Variants in TTBK2 observed in about 807,000 individuals in gnomAD.
The protein encoded by TTBK2 is tau tubulin kinase 2, also known as tau-tubulin kinase 2.
In TTBK2, 28 loss-of-function variants were observed where a neutral mutation model predicts 110.8. The observed-to-expected ratio is 0.25, with a 90% CI of 0.19 to 0.35. The LOEUF (loss-of-function observed/expected upper bound fraction) is 0.35, where lower values mean the gene tolerates loss of function less well. Among genes scored for constraint, TTBK2 ranks in the 10% least tolerant of loss-of-function variants. The pLI is 1.00. For synonymous variants in TTBK2, 532 were observed against 527.3 expected (o/e 1.01, Z -0.12); for missense variants, 1,369 against 1,500.3 (o/e 0.91, Z 1.45).
intron 10 of TTBK2, among the ~76,000 whole-genome samples, chr15:42,791,455 A>G (rs1164088195): frequency 1.3e-5 from 2 of 151,960 alleles, no homozygotes; most frequent in Non-Finnish European, 2.9e-5. Flanking sequence ...CCTTCTCTCT[A>G]ACTCTTTTGA....
In TTBK2 at chr15:42,738,783, C is replaced by CACTT. The variant is rs1423393331; in HGVS notation, c.*7008_*7011dup. ...GGAAAACATCTCCTAACTGCAGGGA[C>CACTT]ACTTAACACCTAGCTTCTATTCAGT... is the stretch of plus-strand genomic sequence containing the variant. On this transcript the variant is annotated 3_prime_UTR_variant, in exon 15 of 15. Coordinates refer to ENST00000267890, the MANE Select transcript of TTBK2 (RefSeq NM_173500.4). 1 of 152,178 alleles carries CACTT rather than the reference C, an allele frequency of 6.6e-6. No homozygotes were observed. Among genetic ancestry groups the CACTT allele is most frequent in the Admixed American group, 6.5e-5 (1 of 15,288 alleles). 9.4% of individuals were successfully genotyped at this position (152,178 alleles called of 1,614,324 possible). A position where few individuals can be genotyped will look rare whatever the true frequency, so the allele number is the denominator to read the frequency against.
At chr15:42,920,786 G>GCTGAC (rs2031333673), upstream of TTBK2, 2 of 153,164 alleles carry the variant, frequency 1.3e-5, no homozygotes, top group Non-Finnish European at 2.9e-5. Flanking sequence ...TGCAGAGCCC[G>GCTGAC]CTGACCCGAC....
At chr15:42,760,856 T>C (rs2062015947) in intron 13 of TTBK2, among the ~76,000 whole-genome samples, 1 of 152,038 alleles carries the variant, frequency 6.6e-6, no homozygotes, top group African/African-American at 2.4e-5. Context: ...ACCCCAAATA[T>C]CTAAAGCAAT....
At chr15:42,749,713 CTT>C (rs1300087190) in intron 14 of TTBK2, among the ~76,000 whole-genome samples, 1 of 152,220 alleles carries the variant, frequency 6.6e-6, no homozygotes, top group African/African-American at 2.4e-5. Flanking sequence ...GGCCAGTCCT[CTT>C]TTTTCTTCTT....
chr15:42,889,458 C>G (rs1484506874), intron 1 of TTBK2, among the ~76,000 whole-genome samples: 2 of 152,134 alleles, frequency 1.3e-5, no homozygotes, highest in Non-Finnish European at 2.9e-5. Context: ...CAAGCAGTTT[C>G]TCAGGCTCTT....
chr15:42,808,332 G>A (rs1020665807), intron 9 of TTBK2, among the ~76,000 whole-genome samples: 1 of 152,206 alleles, frequency 6.6e-6, no homozygotes, highest in African/African-American at 2.4e-5. Flanking sequence ...CAAAGTGAAA[G>A]TGGCTCTGTA....
rs779455571 is a variant in TTBK2, at chr15:42,802,088, C to T, written c.823-7287G>A. ...TTGTTCTGCTGCTCCAGGAACCGTA[C>T]CTTGTCTATGAAGGAGAAAAACTTG... On this transcript the variant is annotated intron_variant, in intron 9 of 14. Transcript: ENST00000267890. 4.1e-6 allele frequency: 6 copies of T among 1,461,426 alleles called. No individual in the cohort carries two copies. In the Admixed American group the frequency reaches 5.0e-5, roughly 12 times the overall value. The allele number at this position is 1,461,426 out of a possible 1,614,324, so 90.5% of individuals were successfully genotyped here.
Position 42,752,786 on chromosome 15 carries a change from A to G in TTBK2, c.2460T>C (p.Thr820=). Residue 820 remains threonine (T), a synonymous_variant, in exon 14 of 15, where the codon ACT becomes ACC. Coordinates refer to ENST00000267890, the MANE Select transcript of TTBK2 (RefSeq NM_173500.4). ...VIVEKDHSAT[T]EPLDVTKTQT... ...GTGTTTTTGTCACATCAAGAGGTTC[A>G]GTAGTAGCTGAGTGATCCTTTTCCA... 6.2e-7 allele frequency: 1 copy of G among 1,614,208 alleles called. No individual in the cohort carries two copies. Among genetic ancestry groups the G allele is most frequent in the Non-Finnish European group, 8.5e-7 (1 of 1,180,040 alleles).
chr15:42,856,702 TA>T (rs199730368), intron 3 of TTBK2, among the ~76,000 whole-genome samples: 12 of 151,832 alleles, frequency 7.9e-5, no homozygotes, highest in East Asian at 3.8e-4. Flanking sequence ...TGTCTCTACT[TA>T]AAAAAAAATT....
At chr15:42,802,330 G>A (rs774106782) in intron 9 of TTBK2, 9 of 770,070 alleles carry the variant, frequency 1.2e-5, no homozygotes, top group Non-Finnish European at 2.1e-5. Flanking sequence ...AGGCCCACTC[G>A]TGTAGGAGAG....
In TTBK2 at chr15:42,806,533, CT is replaced by C. The variant is rs200546434; in HGVS notation, c.822+4080del. 3.7e-3 allele frequency among the ~76,000 whole-genome samples: 560 copies of C among 152,326 alleles called. 2 individuals are homozygous for C. Among genetic ancestry groups the C allele is most frequent in the African/African-American group, 0.013 (535 of 41,576 alleles). On this transcript the variant is annotated intron_variant, in intron 9 of 14. Transcript: ENST00000267890. ...AGGCCCTGCATTATCTGGTTTCTGA[CT>C]CTTTCCAACCTCACCTCAACCTGGT... is the stretch of plus-strand genomic sequence containing the variant.
chr15:42,803,426 A>G (rs1306784473), intron 9 of TTBK2, among the ~76,000 whole-genome samples: 4 of 152,226 alleles, frequency 2.6e-5, no homozygotes, highest in African/African-American at 9.6e-5. Context: ...ACATGACTGT[A>G]TATTAAGATA....
At chr15:42,873,302 T>C (rs1011622421) in intron 2 of TTBK2, among the ~76,000 whole-genome samples, 20 of 151,942 alleles carry the variant, frequency 1.3e-4, no homozygotes, top group African/African-American at 4.8e-4. Context: ...GGCGTGGTGG[T>C]ACATGCCTGT....
chr15:42,883,131 C>T (rs1895110440), intron 1 of TTBK2, among the ~76,000 whole-genome samples: 1 of 152,064 alleles, frequency 6.6e-6, no homozygotes, highest in Non-Finnish European at 1.5e-5. Context: ...CCTGTAATCC[C>T]AACACTTTGG....
intron 1 of TTBK2, among the ~76,000 whole-genome samples, chr15:42,896,426 C>A (rs1456462747): frequency 6.6e-6 from 1 of 152,060 alleles, no homozygotes; most frequent in Non-Finnish European, 1.5e-5. Context: ...AAAAACAGAA[C>A]CCCTGTCTAA....
intron 1 of TTBK2, among the ~76,000 whole-genome samples, chr15:42,912,457 A>C (rs573969442): frequency 2.0e-5 from 3 of 152,358 alleles, no homozygotes; most frequent in Non-Finnish European, 4.4e-5. Context: ...ATGTAATCCC[A>C]GCACTTTGGG....
chr15:42,867,475 C>T (rs1030671397), intron 3 of TTBK2, among the ~76,000 whole-genome samples: 6 of 152,052 alleles, frequency 3.9e-5, no homozygotes, highest in African/African-American at 1.4e-4. Context: ...TTGAAGAATT[C>T]TAAAAACTCA....
intron 3 of TTBK2, among the ~76,000 whole-genome samples, chr15:42,841,054 G>A (rs1261686978): frequency 1.3e-5 from 2 of 152,078 alleles, no homozygotes; most frequent in Admixed American, 6.6e-5. Flanking sequence ...TTCAACCCTG[G>A]CTACTTATGA....
intron 11 of TTBK2, among the ~76,000 whole-genome samples, chr15:42,781,744 T>TA (rs941683699): frequency 1.3e-5 from 2 of 152,254 alleles, no homozygotes; most frequent in Non-Finnish European, 2.9e-5. Context: ...TTAGAGAACA[T>TA]AGTATGTGTG....
Sources: gnomAD v4.1 joint callset for allele counts (sites outside exome capture counted in the v4.1 genomes callset) on GRCh38, gnomAD v4.1.1 for gene constraint, MANE v1.5 for transcripts, NCBI Gene and HGNC (gene_info 2026-07-23, HGNC 2026-07-21) for gene names.